Variants in OR5A1 observed in about 807,000 individuals in gnomAD.
The protein encoded by OR5A1 is olfactory receptor 5A1.
In OR5A1, 6 loss-of-function variants were observed where a neutral mutation model predicts 6.7. The ratio of observed to expected loss-of-function variants is 0.89; its 90% CI spans 0.49 to 1.76. The LOEUF (loss-of-function observed/expected upper bound fraction) is 1.76, where lower values mean the gene tolerates loss of function less well. Ranked by LOEUF, OR5A1 falls within the 40% of genes most tolerant of loss-of-function variation. The probability of loss-of-function intolerance (pLI) is 0.01; values close to 1 mark genes in which losing one functional copy is unlikely to be tolerated. For missense variants in OR5A1, 378 were observed against 381.7 expected (o/e 0.99, Z 0.08); for synonymous variants, 170 against 155.0 (o/e 1.10, Z -0.72).
chr11:59,443,117 A>G lies in OR5A1; in HGVS notation c.-33-19A>G. 2.2e-6 allele frequency: 3 copies of G among 1,383,022 alleles called. No homozygotes were observed. The highest frequency in any genetic ancestry group is 3.1e-6 in the Non-Finnish European group (3 of 981,742). 85.7% of individuals were successfully genotyped at this position (1,383,022 alleles called of 1,614,324 possible). A position where few individuals can be genotyped will look rare whatever the true frequency, so the allele number is the denominator to read the frequency against. ...TTTGCTAATACCACCTATAATGTGG[A>G]CTGTCATTACTATCCCAGGTCTGCA... On this transcript the variant is annotated intron_variant, in intron 1 of 1. Coordinates refer to ENST00000641045, the MANE Select transcript of OR5A1 (RefSeq NM_001004728.2).
At position 59,446,751 on chromosome 11, in the gene OR5A1, C is replaced by G. The variant is rs1858554293; in HGVS notation, c.*2635C>G. ...GCACTCACAGTGGAATTGTCCCACA[C>G]AACTATTTCTGCTGGTAAATCTCTC... On this transcript the variant is annotated 3_prime_UTR_variant, in exon 2 of 2. Coordinates refer to ENST00000641045, the MANE Select transcript of OR5A1 (RefSeq NM_001004728.2). The G allele has an allele frequency of 6.6e-6, 1 of 152,232 alleles. No homozygotes were observed. The highest frequency in any genetic ancestry group is 2.4e-5 in the African/African-American group (1 of 41,458). 9.4% of individuals were successfully genotyped at this position (152,232 alleles called of 1,614,324 possible). A position where few individuals can be genotyped will look rare whatever the true frequency, so the allele number is the denominator to read the frequency against.
chr11:59,441,984 A>ATAGC (rs775379223), intron 1 of OR5A1, among the ~76,000 whole-genome samples: 1 of 151,734 alleles, frequency 6.6e-6, no homozygotes, highest in Non-Finnish European at 1.5e-5. Flanking sequence ...AGATAGATAG[A>ATAGC]TAGATGATAG....
chr11:59,439,350 C>G (rs1858456713), intron 1 of OR5A1, among the ~76,000 whole-genome samples: 1 of 152,172 alleles, frequency 6.6e-6, no homozygotes, highest in Admixed American at 6.5e-5. Flanking sequence ...GGAACTGCAT[C>G]TATGAGTCTA....
intron 1 of OR5A1, among the ~76,000 whole-genome samples, chr11:59,438,233 T>A (rs1858443942): frequency 6.6e-6 from 1 of 152,216 alleles, no homozygotes; most frequent in Non-Finnish European, 1.5e-5. Context: ...AAAAACGGCC[T>A]AATACACTAT....
rs564978822 is a variant in OR5A1, at chr11:59,447,588, G to T, written c.*3472G>T. The T allele has an allele frequency of 3.3e-5, 5 of 152,286 alleles. No homozygotes were observed. Among genetic ancestry groups the T allele is most frequent in the South Asian group, 2.1e-4 (1 of 4,822 alleles). 9.4% of individuals were successfully genotyped at this position (152,286 alleles called of 1,614,324 possible). A position where few individuals can be genotyped will look rare whatever the true frequency, so the allele number is the denominator to read the frequency against. ...AGAAAGAATATGAGAAGGAGAGATTGTCTGATCCTCACCCCTATTTGGTTG... is the reference window on the plus strand; with the variant it reads ...AGAAAGAATATGAGAAGGAGAGATTTTCTGATCCTCACCCCTATTTGGTTG... On this transcript the variant is annotated 3_prime_UTR_variant, in exon 2 of 2. Transcript: ENST00000641045.
Position 59,445,503 on chromosome 11 carries a change from A to C in OR5A1, c.*1387A>C, listed in dbSNP as rs1858537142. ...ATGTATATTTATAATAGAATTATTT[A>C]TATTCCTTTGGATATATACCCAGTA... On this transcript the variant is annotated 3_prime_UTR_variant, in exon 2 of 2. Transcript: ENST00000641045. The C allele has an allele frequency of 1.3e-5, 2 of 152,190 alleles. No individual in the cohort carries two copies. The highest frequency in any genetic ancestry group is 1.5e-5 in the Non-Finnish European group (1 of 68,012). 9.4% of individuals were successfully genotyped at this position (152,190 alleles called of 1,614,324 possible).
rs770150968 is a variant in OR5A1, at chr11:59,445,028, C to T, written c.*912C>T. The T allele has an allele frequency of 6.6e-5, 10 of 151,544 alleles. No individual in the cohort carries two copies. The highest frequency in any genetic ancestry group is 3.4e-3 in the Middle Eastern group (1 of 294). The allele number at this position is 151,544 out of a possible 1,614,324, so 9.4% of individuals were successfully genotyped here. ...TTTAATTTTATTTTATTTTAAGTTC[C>T]GGGATACATATGCAGGATGTGCAGG... On this transcript the variant is annotated 3_prime_UTR_variant, in exon 2 of 2. Transcript: ENST00000641045.
Position 59,443,729 on chromosome 11 carries a change from C to T in OR5A1, c.561C>T (p.Val187=). The T allele has an allele frequency of 6.2e-7, 1 of 1,614,118 alleles. No individual in the cohort carries two copies. Among genetic ancestry groups the T allele is most frequent in the South Asian group, 1.1e-5 (1 of 91,078 alleles). Reference sequence around the variant, plus strand: ...ACTTCTTCTGCGACCTCCCACCAGTCCTGGCTCTGTCTTGCTCTGACACCT... The same window carrying T: ...ACTTCTTCTGCGACCTCCCACCAGTTCTGGCTCTGTCTTGCTCTGACACCT... ...INHFFCDLPP[V]LALSCSDTFL... is the part of the protein sequence containing the mutation. The change falls in exon 2 of 2, where the codon GTC becomes GTT. Residue 187 remains valine (V), a synonymous_variant. Transcript: ENST00000641045.
intron 1 of OR5A1, among the ~76,000 whole-genome samples, chr11:59,441,885 G>A (rs977881785): frequency 9.9e-5 from 15 of 152,032 alleles, no homozygotes; most frequent in Non-Finnish European, 1.9e-4. Flanking sequence ...ACATGATGAT[G>A]ATGATAGATG....
At position 59,447,640 on chromosome 11, in the gene OR5A1, A is replaced by G. The variant is rs565508323; in HGVS notation, c.*3524A>G. ...AGTTACATCATTAGCTTCTTCAGGC[A>G]TTATTGGGTAGTAGAGAACAGCAGG... On this transcript the variant is annotated 3_prime_UTR_variant, in exon 2 of 2. Transcript: ENST00000641045. The G allele has an allele frequency of 6.6e-6, 1 of 152,328 alleles. No individual in the cohort carries two copies. The highest frequency in any genetic ancestry group is 2.4e-5 in the African/African-American group (1 of 41,570). The allele number at this position is 152,328 out of a possible 1,614,324, so 9.4% of individuals were successfully genotyped here. A position where few individuals can be genotyped will look rare whatever the true frequency, so the allele number is the denominator to read the frequency against.
In OR5A1 at chr11:59,443,903, C is replaced by A. The variant is rs998486171; in HGVS notation, c.735C>A (p.Ala245=). Residue 245 remains alanine (A), a synonymous_variant, in exon 2 of 2, where the codon GCC becomes GCA. Coordinates refer to ENST00000641045, the MANE Select transcript of OR5A1 (RefSeq NM_001004728.2). The part of the protein sequence containing the change: ...EGRWKACNTC[A]SHLMVVTLLF... ...GATGGAAAGCCTGCAACACGTGTGC[C>A]TCGCATCTGATGGTGGTGACTCTGC... 2 of 1,614,126 alleles carry A rather than the reference C, an allele frequency of 1.2e-6. No individual in the cohort carries two copies. Among genetic ancestry groups the A allele is most frequent in the Non-Finnish European group, 1.7e-6 (2 of 1,180,014 alleles).
In OR5A1 at chr11:59,448,905, C is replaced by T. The variant is rs1036412916; in HGVS notation, c.*4789C>T. The stretch of plus-strand genomic sequence containing the variant: ...ATATTGTTGATGAAATTTCTGTAAT[C>T]GTTATCATACAAGGACTTTGCATCA... On this transcript the variant is annotated 3_prime_UTR_variant, in exon 2 of 2. Transcript: ENST00000641045. The T allele has an allele frequency of 3.3e-5, 5 of 152,012 alleles. No homozygotes were observed. Among genetic ancestry groups the T allele is most frequent in the East Asian group, 3.9e-4 (2 of 5,184 alleles). 9.4% of individuals were successfully genotyped at this position (152,012 alleles called of 1,614,324 possible).
intron 1 of OR5A1, among the ~76,000 whole-genome samples, 171 bp downstream of exon 1, chr11:59,437,006 T>G (rs1332546189): frequency 6.6e-6 from 1 of 152,208 alleles, no homozygotes; most frequent in Non-Finnish European, 1.5e-5. Context: ...TCTTTTTTTG[T>G]ACTTTTTAAA....
intron 1 of OR5A1, among the ~76,000 whole-genome samples, chr11:59,441,855 A>T (rs7107956): frequency 0.92 from 139,320 of 152,068 alleles, 64,555 homozygotes; most frequent in Non-Finnish European, 0.99. Context: ...GCCAGGCATG[A>T]TCTAAGAAGA....
intron 1 of OR5A1, among the ~76,000 whole-genome samples, chr11:59,442,424 A>G (rs541032441): frequency 6.6e-6 from 1 of 152,290 alleles, no homozygotes; most frequent in East Asian, 1.9e-4. Context: ...CCTGGGCAAC[A>G]AGAGCGAAAC....
At position 59,448,391 on chromosome 11, in the gene OR5A1, C is replaced by G. The variant is rs1473323714; in HGVS notation, c.*4275C>G. The stretch of plus-strand genomic sequence containing the variant: ...TATGAGGGGCCACTAGACCAGGAGC[C>G]TCATCTAGTGGAATCCAATTTGTCA... On this transcript the variant is annotated 3_prime_UTR_variant, in exon 2 of 2. Coordinates refer to ENST00000641045, the MANE Select transcript of OR5A1 (RefSeq NM_001004728.2). The G allele has an allele frequency of 1.3e-5, 2 of 152,138 alleles. No homozygotes were observed. Among genetic ancestry groups the G allele is most frequent in the East Asian group, 3.8e-4 (2 of 5,200 alleles). The allele number at this position is 152,138 out of a possible 1,614,324, so 9.4% of individuals were successfully genotyped here. A position where few individuals can be genotyped will look rare whatever the true frequency, so the allele number is the denominator to read the frequency against.
Position 59,443,588 on chromosome 11 carries a change from C to G in OR5A1, c.420C>G (p.Thr140=). The G allele has an allele frequency of 6.2e-7, 1 of 1,613,910 alleles. No homozygotes were observed. Among genetic ancestry groups the G allele is most frequent in the Non-Finnish European group, 8.5e-7 (1 of 1,179,996 alleles). Reference sequence around the variant, plus strand: ...CCCTTCTCTACCCCACTATCATGACCCAGGGCCTCTGTACACGCATGGTGG... The same window carrying G: ...CCCTTCTCTACCCCACTATCATGACGCAGGGCCTCTGTACACGCATGGTGG... ...SSPLLYPTIM[T]QGLCTRMVVG... Residue 140 remains threonine, a synonymous_variant, in exon 2 of 2, where the codon ACC becomes ACG. Coordinates refer to ENST00000641045, the MANE Select transcript of OR5A1 (RefSeq NM_001004728.2).
rs1286498299 is a variant in OR5A1, at chr11:59,449,254, GGCAGA to G, written c.*5143_*5147del. The G allele has an allele frequency of 6.6e-6, 1 of 152,164 alleles. No homozygotes were observed. Among genetic ancestry groups the G allele is most frequent in the Non-Finnish European group, 1.5e-5 (1 of 68,036 alleles). 9.4% of individuals were successfully genotyped at this position (152,164 alleles called of 1,614,324 possible). On this transcript the variant is annotated 3_prime_UTR_variant, in exon 2 of 2. Coordinates refer to ENST00000641045, the MANE Select transcript of OR5A1 (RefSeq NM_001004728.2). ...CTGTTCATGTGTTTGGGTGAAGAAGGGCAGAGCAGTGATGATGGGGAAGTTGTCAG... is the reference window on the plus strand; with the variant it reads ...CTGTTCATGTGTTTGGGTGAAGAAGGGCAGTGATGATGGGGAAGTTGTCAG...
rs577663044 is a variant in OR5A1, at chr11:59,445,113, A to G, written c.*997A>G. On this transcript the variant is annotated 3_prime_UTR_variant, in exon 2 of 2. Coordinates refer to ENST00000641045, the MANE Select transcript of OR5A1 (RefSeq NM_001004728.2). Reference sequence around the variant, plus strand: ...TGCTGCACCTATCCACCCATCACCTAGGTATTAAGCCCCACATCCGTTAGC... The same window carrying G: ...TGCTGCACCTATCCACCCATCACCTGGGTATTAAGCCCCACATCCGTTAGC... 7 of 152,226 alleles carry G rather than the reference A, an allele frequency of 4.6e-5. No homozygotes were observed. The highest frequency in any genetic ancestry group is 1.0e-4 in the Non-Finnish European group (7 of 68,012). 9.4% of individuals were successfully genotyped at this position (152,226 alleles called of 1,614,324 possible).
Sources: allele counts gnomAD v4.1 joint callset (sites outside exome capture counted in the v4.1 genomes callset), GRCh38; gene constraint gnomAD v4.1.1; transcripts MANE v1.5; gene names NCBI Gene and HGNC (gene_info 2026-07-23, HGNC 2026-07-21).